Variants in PCDHA6 observed in about 807,000 individuals in gnomAD.
PCDHA6 encodes protocadherin alpha 6, also known as protocadherin alpha-6.
PCDHA6 carries 55 observed loss-of-function variants against 60.3 expected under a neutral mutation model. The ratio of observed to expected loss-of-function variants is 0.91; its 90% CI spans 0.73 to 1.14. The LOEUF (loss-of-function observed/expected upper bound fraction) is 1.14. Among genes scored for constraint, PCDHA6 ranks in the 50% most tolerant of loss-of-function variants. PCDHA6 has a pLI of 0.00. For missense variants in PCDHA6, 1,327 were observed against 1,256.5 expected (o/e 1.06, Z -0.85); for synonymous variants, 652 against 557.9 (o/e 1.17, Z -2.38).
chr5:140,862,513 A>G, intron 1 of PCDHA6: 1 of 408,216 alleles, frequency 2.4e-6, no homozygotes, highest in Non-Finnish European at 4.9e-6. Context: ...ACTCGCTTTC[A>G]TTGTTGGCCA....
Position 140,830,125 on chromosome 5 carries a change from G to C in PCDHA6, c.2034G>C (p.Ala678=), listed in dbSNP as rs2150181468. ...SLVESGQAPK[A]SSRASVGAAG... ...TGGAGAGTGGCCAGGCTCCAAAGGC[G>C]TCATCACGGGCGTCGGTGGGCGCCG... The change falls in exon 1 of 4, where the codon GCG becomes GCC. Residue 678 remains alanine (A), a synonymous_variant. Coordinates refer to ENST00000529310, the MANE Select transcript of PCDHA6 (RefSeq NM_018909.4). 3.9e-5 allele frequency: 63 copies of C among 1,613,452 alleles called. No individual in the cohort carries two copies. In the South Asian group the frequency reaches 6.7e-4, roughly 17 times the overall value.
At chr5:140,938,885 A>C (rs966791166) in intron 1 of PCDHA6, among the ~76,000 whole-genome samples, 9 of 152,144 alleles carry the variant, frequency 5.9e-5, no homozygotes, top group Non-Finnish European at 1.2e-4. Flanking sequence ...CAACACACAC[A>C]CACACAGATG....
intron 1 of PCDHA6, among the ~76,000 whole-genome samples, chr5:140,963,886 T>C (rs1211703076): frequency 6.6e-6 from 1 of 152,236 alleles, no homozygotes; most frequent in African/African-American, 2.4e-5. Flanking sequence ...TTGTTTTCCT[T>C]AATTAAAATG....
chr5:140,938,679 T>C (rs574212689), intron 1 of PCDHA6, among the ~76,000 whole-genome samples: 1 of 152,302 alleles, frequency 6.6e-6, no homozygotes, highest in South Asian at 2.1e-4. Flanking sequence ...CCTAACATTT[T>C]CTTTACAGTT....
At position 140,846,059 on chromosome 5, in the gene PCDHA6, G is replaced by A. The variant is rs1780185610; in HGVS notation, c.2394+15574G>A. ...AGTCAAGTTAACACCACCTATGTGG[G>A]AAAACAGTTTTTTGGAAAGGTTAAA... On this transcript the variant is annotated intron_variant, in intron 1 of 3. Coordinates refer to ENST00000529310, the MANE Select transcript of PCDHA6 (RefSeq NM_018909.4). 2.0e-5 allele frequency among the ~76,000 whole-genome samples: 3 copies of A among 149,674 alleles called. No individual in the cohort carries two copies. The South Asian group carries it at 6.3e-4, about 32-fold the overall frequency.
intron 1 of PCDHA6, chr5:140,870,875 C>A (rs1235290760): frequency 6.2e-7 from 1 of 1,613,912 alleles, no homozygotes; most frequent in Non-Finnish European, 8.5e-7. Flanking sequence ...CACGTGGTGG[C>A]GAAGGTGCGC....
intron 1 of PCDHA6, among the ~76,000 whole-genome samples, chr5:140,914,386 G>A (rs565819670): frequency 2.6e-5 from 4 of 152,216 alleles, no homozygotes; most frequent in East Asian, 1.9e-4. Flanking sequence ...TGTTATAAGT[G>A]TAGTTACCCC....
intron 3 of PCDHA6, among the ~76,000 whole-genome samples, chr5:141,000,421 A>ATT (rs34755515): frequency 0.021 from 589 of 27,976 alleles, 60 homozygotes; most frequent in Middle Eastern, 0.062. Flanking sequence ...ATATATATAT[A>ATT]TTTTTTTTTT....
At chr5:140,843,512 G>C (rs2150361484) in intron 1 of PCDHA6, 9 of 1,595,848 alleles carry the variant, frequency 5.6e-6, no homozygotes, top group Non-Finnish European at 7.7e-6. Flanking sequence ...CACTGAGGGC[G>C]GGTGCCGGGC....
chr5:140,913,781 A>G (rs1554196050), intron 1 of PCDHA6, among the ~76,000 whole-genome samples: 2 of 151,976 alleles, frequency 1.3e-5, no homozygotes, highest in African/African-American at 4.8e-5. Flanking sequence ...TTGTGTTTCC[A>G]TTATCATTTG....
At chr5:140,869,038 C>A in intron 1 of PCDHA6, 1 of 1,528,506 alleles carries the variant, frequency 6.5e-7, no homozygotes, top group South Asian at 1.3e-5. Context: ...GATTTTTAAC[C>A]TGAAACTGAA....
At chr5:140,910,013 C>T (rs185824848) in intron 1 of PCDHA6, among the ~76,000 whole-genome samples, 4 of 152,256 alleles carry the variant, frequency 2.6e-5, no homozygotes, top group Non-Finnish European at 1.5e-5. Context: ...CAGTGTCATC[C>T]TTGTATCCCT....
chr5:140,853,604 G>C lies in PCDHA6; in HGVS notation c.2394+23119G>C, dbSNP rs557129583. On this transcript the variant is annotated intron_variant, in intron 1 of 3. Transcript: ENST00000529310. ...ATCTTAGACACTTTGAGAGCAAAGG[G>C]GGTGCTGTAAATAAGTATACAAGAT... The C allele has an allele frequency of 2.2e-5, 22 of 987,378 alleles. 2 individuals are homozygous for C. In the African/African-American group the frequency reaches 2.3e-4, roughly 10 times the overall value. 61.2% of individuals were successfully genotyped at this position (987,378 alleles called of 1,614,324 possible). A position where few individuals can be genotyped will look rare whatever the true frequency, so the allele number is the denominator to read the frequency against.
chr5:140,850,200 C>T, intron 1 of PCDHA6: 1 of 1,593,442 alleles, frequency 6.3e-7, no homozygotes. Context: ...GCTGACACCT[C>T]GGATGAGGGG....
chr5:140,907,136 G>A (rs115442963), intron 1 of PCDHA6, among the ~76,000 whole-genome samples: 1,721 of 152,234 alleles, frequency 0.011, 29 homozygotes, highest in African/African-American at 0.038. Flanking sequence ...TGTGAATTCC[G>A]GCTATGGGAG....
intron 1 of PCDHA6, among the ~76,000 whole-genome samples, chr5:140,872,710 A>G (rs563009592): frequency 6.5e-4 from 99 of 152,384 alleles, no homozygotes; most frequent in African/African-American, 1.9e-3. Flanking sequence ...AAAGGAAACT[A>G]GGTAAATAAA....
chr5:140,830,424 C>T lies in PCDHA6; in HGVS notation c.2333C>T (p.Pro778Leu), dbSNP rs1771055440. The change falls in exon 1 of 4, where the codon CCT (proline) becomes CTT (leucine). Residue 778 changes from proline (P) to leucine (L), a missense_variant. Coordinates refer to ENST00000529310, the MANE Select transcript of PCDHA6 (RefSeq NM_018909.4). ...DLMAFSPSLSPCPIMMGKAEN... is the reference protein window; with the variant it reads ...DLMAFSPSLSLCPIMMGKAEN... ...ATGGCCTTTAGCCCCAGCCTTTCAC[C>T]TTGTCCTATTATGATGGGTAAGGCG... is the stretch of plus-strand genomic sequence containing the variant. The T allele has an allele frequency of 6.2e-7, 1 of 1,613,928 alleles. No individual in the cohort carries two copies. Among genetic ancestry groups the T allele is most frequent in the Non-Finnish European group, 8.5e-7 (1 of 1,179,800 alleles).
chr5:140,835,627 G>A, intron 1 of PCDHA6: 1 of 1,613,916 alleles, frequency 6.2e-7, no homozygotes, highest in Non-Finnish European at 8.5e-7. Flanking sequence ...GCTCTGGACC[G>A]CGAGAGTGTG....
At chr5:140,968,332 C>T (rs2096240603) in intron 1 of PCDHA6, 2 of 1,614,158 alleles carry the variant, frequency 1.2e-6, no homozygotes, top group Non-Finnish European at 1.7e-6. Flanking sequence ...CCTCCTATGT[C>T]TCCATTAACA....
Sources: gnomAD v4.1 joint callset for allele counts (sites outside exome capture counted in the v4.1 genomes callset) on GRCh38, gnomAD v4.1.1 for gene constraint, MANE v1.5 for transcripts, NCBI Gene and HGNC (gene_info 2026-07-23, HGNC 2026-07-21) for gene names.